WDR7: variants seen among roughly 807,000 people sequenced by gnomAD.
WDR7 encodes WD repeat domain 7.
WDR7 carries 46 observed loss-of-function variants against 169.4 expected under a neutral mutation model. The ratio of observed to expected loss-of-function variants is 0.27; its 90% confidence interval spans 0.21 to 0.35. WDR7 has a LOEUF of 0.35. Ranked by LOEUF, WDR7 falls within the 10% of genes least tolerant of loss-of-function variation. WDR7 has a pLI of 1.00. For missense variants in WDR7, 1,534 were observed against 1,859.3 expected, an observed-to-expected ratio of 0.83 and a Z score of 3.22; for synonymous variants, 612 against 666.8, an observed-to-expected ratio of 0.92 and a Z score of 1.27.
intron 21 of WDR7, among the ~76,000 whole-genome samples, chr18:56,915,822 T>G (rs2046616456): frequency 6.6e-6 from 1 of 152,224 alleles, no homozygotes; most frequent in Non-Finnish European, 1.5e-5. Flanking sequence ...TAAAAACTCC[T>G]CTCTCTGGCC....
intron 12 of WDR7, 77 bp from the exon 13 acceptor site, chr18:56,717,887 C>T: frequency 1.4e-6 from 2 of 1,396,112 alleles, no homozygotes; most frequent in Admixed American, 2.5e-5. Context: ...ATTAATTTTG[C>T]CTTAAGTTAT....
intron 21 of WDR7, among the ~76,000 whole-genome samples, chr18:56,911,491 G>A (rs891221704): frequency 1.3e-5 from 2 of 152,106 alleles, no homozygotes; most frequent in African/African-American, 4.8e-5. Flanking sequence ...GAATGTCAGT[G>A]TTTGTCCATT....
At chr18:56,955,900 T>TA (rs1296141428) in intron 25 of WDR7, among the ~76,000 whole-genome samples, 1 of 152,166 alleles carries the variant, frequency 6.6e-6, no homozygotes, top group East Asian at 1.9e-4. Context: ...ATCCAGGCAA[T>TA]AAGGAACCTG....
intron 20 of WDR7, among the ~76,000 whole-genome samples, chr18:56,841,282 C>T (rs2045482246): frequency 1.3e-5 from 2 of 151,704 alleles, no homozygotes; most frequent in African/African-American, 4.8e-5. Context: ...TGGCCCACAC[C>T]TGTAATCCCA....
intron 21 of WDR7, among the ~76,000 whole-genome samples, chr18:56,919,252 A>G (rs1166766329): frequency 6.6e-6 from 1 of 152,154 alleles, no homozygotes; most frequent in Non-Finnish European, 1.5e-5. Context: ...CTGGCCAATG[A>G]AATATGTAAT....
intron 13 of WDR7, among the ~76,000 whole-genome samples, chr18:56,730,980 CAA>C (rs1174319477): frequency 6.6e-6 from 1 of 151,966 alleles, no homozygotes; most frequent in Non-Finnish European, 1.5e-5. Flanking sequence ...AGGAAAAAAA[CAA>C]ATTTTAGTAA....
At chr18:56,962,656 T>C (rs2047354087) in intron 26 of WDR7, 127 bp downstream of exon 26, 1 of 817,306 alleles carries the variant, frequency 1.2e-6, no homozygotes, top group African/African-American at 1.7e-5. Context: ...AAGGGATCAA[T>C]AGTTTAATGA....
At chr18:56,869,492 T>C (rs2045925174) in intron 20 of WDR7, among the ~76,000 whole-genome samples, 1 of 152,168 alleles carries the variant, frequency 6.6e-6, no homozygotes, top group African/African-American at 2.4e-5. Flanking sequence ...AAATTCCATA[T>C]GTTCTGTCAG....
intron 14 of WDR7, among the ~76,000 whole-genome samples, chr18:56,755,630 G>A (rs1258752078): frequency 2.0e-5 from 3 of 152,188 alleles, no homozygotes; most frequent in Non-Finnish European, 4.4e-5. Flanking sequence ...CCCAATACAA[G>A]CCATTGGAGA....
chr18:56,679,287 A>G (rs769768120), intron 2 of WDR7, 45 bp from the exon 3 acceptor site: 2 of 1,509,472 alleles, frequency 1.3e-6, no homozygotes, highest in South Asian at 1.1e-5. Context: ...TAGAAGGTTA[A>G]TTTTTAAGTT....
At chr18:56,836,561 C>T (rs118115499) in intron 20 of WDR7, among the ~76,000 whole-genome samples, 2,129 of 152,286 alleles carry the variant, frequency 0.014, 27 homozygotes, top group East Asian at 0.035. Context: ...CCTAGACATG[C>T]GTGCTTTTTT....
At chr18:56,900,086 A>G (rs199559842) in intron 21 of WDR7, among the ~76,000 whole-genome samples, 453 of 28,976 alleles carry the variant, frequency 0.016, 6 homozygotes, top group East Asian at 0.14. Flanking sequence ...GTGTGTGTAT[A>G]TATATATATA....
intron 19 of WDR7, 77 bp from the exon 20 acceptor site, chr18:56,815,954 T>G: frequency 1.6e-6 from 2 of 1,237,954 alleles, no homozygotes; most frequent in Non-Finnish European, 2.2e-6. Flanking sequence ...ATTAAGTAAA[T>G]TAAAAATCTT....
At chr18:56,763,899 A>C (rs1470280867) in intron 16 of WDR7, among the ~76,000 whole-genome samples, 2 of 152,024 alleles carry the variant, frequency 1.3e-5, no homozygotes, top group East Asian at 1.9e-4. Flanking sequence ...ATTTGAAATT[A>C]TATTCACTCT....
chr18:56,759,970 A>T (rs1315911456), intron 16 of WDR7, among the ~76,000 whole-genome samples: 2 of 152,150 alleles, frequency 1.3e-5, no homozygotes, highest in Non-Finnish European at 2.9e-5. Flanking sequence ...TGTGGAAGAT[A>T]AACTCCCACA....
At chr18:56,770,133 T>G (rs1450082889) in intron 16 of WDR7, among the ~76,000 whole-genome samples, 1 of 152,230 alleles carries the variant, frequency 6.6e-6, no homozygotes, top group Non-Finnish European at 1.5e-5. Flanking sequence ...AACTACGTGC[T>G]GAGGCTGTAA....
intron 12 of WDR7, among the ~76,000 whole-genome samples, chr18:56,702,057 A>G (rs1465210658): frequency 6.6e-6 from 1 of 152,146 alleles, no homozygotes; most frequent in East Asian, 1.9e-4. Context: ...ACTCTGGGAT[A>G]GGGGAGGCCA....
intron 20 of WDR7, among the ~76,000 whole-genome samples, chr18:56,844,316 T>TA (rs1437241862): frequency 2.0e-5 from 3 of 152,270 alleles, no homozygotes; most frequent in Admixed American, 1.3e-4. Context: ...TTTAACTTTT[T>TA]AAAAAATAGA....
chr18:57,006,355 C>T (rs1322358968), intron 26 of WDR7, among the ~76,000 whole-genome samples: 2 of 151,762 alleles, frequency 1.3e-5, no homozygotes, highest in Non-Finnish European at 2.9e-5. Context: ...ATTTAGATAG[C>T]TTGTCAGTGG....
Sources: allele counts gnomAD v4.1 joint callset (sites outside exome capture counted in the v4.1 genomes callset), GRCh38; gene constraint gnomAD v4.1.1; transcripts MANE v1.5; gene names NCBI Gene and HGNC (gene_info 2026-07-23, HGNC 2026-07-21).